Variants in ETS1 observed in about 807,000 individuals in gnomAD.
The protein encoded by ETS1 is protein C-ets-1.
In ETS1, 15 loss-of-function variants were observed where a neutral mutation model predicts 58.6. The ratio of observed to expected loss-of-function variants is 0.26; its 90% CI spans 0.17 to 0.39. The LOEUF (loss-of-function observed/expected upper bound fraction) is 0.39. Among genes scored for constraint, ETS1 ranks in the 10% least tolerant of loss-of-function variants. The pLI, the probability that ETS1 is intolerant of heterozygous loss-of-function variation, is 1.00. For missense variants in ETS1, 417 were observed against 610.5 expected, an observed-to-expected ratio of 0.68 and a Z score of 3.34; for synonymous variants, 214 against 218.2, an observed-to-expected ratio of 0.98 and a Z score of 0.17.
chr11:128,578,114 C>A (rs962040624), intron 1 of ETS1, among the ~76,000 whole-genome samples: 1 of 152,124 alleles, frequency 6.6e-6, no homozygotes, highest in Non-Finnish European at 1.5e-5. Context: ...CTTCATAGAG[C>A]GAGTGACCAC....
intron 1 of ETS1, among the ~76,000 whole-genome samples, chr11:128,584,861 A>G (rs956909202): frequency 1.5e-4 from 22 of 149,382 alleles, no homozygotes; most frequent in Non-Finnish European, 5.9e-5. Context: ...GAGGAAAGGG[A>G]AGGAGGAGGG....
intron 3 of ETS1, among the ~76,000 whole-genome samples, chr11:128,503,451 C>T (rs549590390): frequency 1.7e-4 from 26 of 152,104 alleles, no homozygotes; most frequent in Non-Finnish European, 3.1e-4. Context: ...CTGGAGGGTG[C>T]GCTCATAAAC....
In ETS1 at chr11:128,572,962, T is replaced by C. The variant is rs529696387; in HGVS notation, c.69+100A>G. 5.8e-6 allele frequency: 5 copies of C among 867,728 alleles called. No homozygotes were observed. The East Asian group carries it at 1.3e-4, about 23-fold the overall frequency. 53.8% of individuals were successfully genotyped at this position (867,728 alleles called of 1,614,324 possible). A position where few individuals can be genotyped will look rare whatever the true frequency, so the allele number is the denominator to read the frequency against. On this transcript the variant is annotated intron_variant, in intron 2 of 9. Transcript: ENST00000392668. ...CTGATTCGAACCTTGGAGTTCAGGT[T>C]CCTGGCTTCTCTGTCTACTGGGGGT...
chr11:128,484,149 C>A (rs866269686), intron 7 of ETS1, among the ~76,000 whole-genome samples: 1 of 152,182 alleles, frequency 6.6e-6, no homozygotes. Context: ...TCTTCCCTGA[C>A]AGTGAATATT....
intron 5 of ETS1, among the ~76,000 whole-genome samples, chr11:128,486,654 T>C (rs910730363): frequency 1.3e-5 from 2 of 152,250 alleles, no homozygotes; most frequent in African/African-American, 4.8e-5. Context: ...CCCTCAGGTT[T>C]CAAGTTCAGG....
chr11:128,538,063 T>C (rs1819397944), intron 3 of ETS1, among the ~76,000 whole-genome samples: 1 of 152,200 alleles, frequency 6.6e-6, no homozygotes, highest in African/African-American at 2.4e-5. Flanking sequence ...TTCAGTAGAT[T>C]TGGGATGTTT....
At chr11:128,553,640 T>C (rs1864266658) in intron 3 of ETS1, among the ~76,000 whole-genome samples, 1 of 151,990 alleles carries the variant, frequency 6.6e-6, no homozygotes. Flanking sequence ...CTTTCCCTCA[T>C]TCATACTTTC....
At chr11:128,570,885 C>T (rs527650798) in intron 2 of ETS1, among the ~76,000 whole-genome samples, 3 of 152,258 alleles carry the variant, frequency 2.0e-5, no homozygotes, top group Admixed American at 6.5e-5. Context: ...CTGGACTTGT[C>T]GTGTAGTGGA....
chr11:128,518,487 G>T (rs758707997), intron 3 of ETS1, among the ~76,000 whole-genome samples: 1 of 152,210 alleles, frequency 6.6e-6, no homozygotes, highest in Non-Finnish European at 1.5e-5. Context: ...TTCATCCTAT[G>T]AAGTAGAATG....
intron 3 of ETS1, chr11:128,505,094 G>A (rs560401202): frequency 1.3e-5 from 2 of 152,336 alleles, no homozygotes; most frequent in East Asian, 3.9e-4. Flanking sequence ...TCCAGAAAGA[G>A]TGAAGACTGC....
At chr11:128,477,692 C>T (rs1343305153) in intron 8 of ETS1, among the ~76,000 whole-genome samples, 1 of 152,144 alleles carries the variant, frequency 6.6e-6, no homozygotes, top group Non-Finnish European at 1.5e-5. Flanking sequence ...ATTCAGACCA[C>T]AACAATAGGA....
At chr11:128,547,736 A>C (rs1250405107) in intron 3 of ETS1, among the ~76,000 whole-genome samples, 1 of 152,150 alleles carries the variant, frequency 6.6e-6, no homozygotes, top group African/African-American at 2.4e-5. Flanking sequence ...TTCAAAGGTC[A>C]TGAGGAATCT....
intron 1 of ETS1, among the ~76,000 whole-genome samples, chr11:128,582,086 T>C (rs1864882402): frequency 6.6e-6 from 1 of 152,198 alleles, no homozygotes; most frequent in African/African-American, 2.4e-5. Context: ...CTAGCATTCT[T>C]ATATAAAGAG....
chr11:128,565,215 A>G (rs1211501859), intron 2 of ETS1, among the ~76,000 whole-genome samples: 2 of 152,138 alleles, frequency 1.3e-5, no homozygotes, highest in Non-Finnish European at 2.9e-5. Context: ...AGGACCCTTT[A>G]AAAGGACCTG....
chr11:128,583,063 T>A (rs1565419827), intron 1 of ETS1, among the ~76,000 whole-genome samples: 1 of 152,222 alleles, frequency 6.6e-6, no homozygotes. Context: ...TGCAGTCTGC[T>A]GCAGTAGGTC....
At chr11:128,580,469 T>C (rs899670000) in intron 1 of ETS1, among the ~76,000 whole-genome samples, 24 of 152,206 alleles carry the variant, frequency 1.6e-4, no homozygotes, top group African/African-American at 5.3e-4. Context: ...ATCCATCATA[T>C]CTAGGAAAGC....
intron 2 of ETS1, among the ~76,000 whole-genome samples, chr11:128,557,889 A>G (rs1281542616): frequency 6.6e-6 from 1 of 152,234 alleles, no homozygotes; most frequent in Non-Finnish European, 1.5e-5. Flanking sequence ...CTGAGCATAC[A>G]AGAATTCAGT....
intron 3 of ETS1, among the ~76,000 whole-genome samples, chr11:128,542,452 C>T (rs1864070999): frequency 1.3e-5 from 2 of 152,172 alleles, no homozygotes; most frequent in Admixed American, 1.3e-4. Flanking sequence ...TTCTACTGGA[C>T]TTCCCATCTG....
chr11:128,557,849 C>T (rs1864336521), intron 2 of ETS1, among the ~76,000 whole-genome samples: 1 of 152,178 alleles, frequency 6.6e-6, no homozygotes. Context: ...GAAAGATTCT[C>T]CAACTGGAGA....
Sources: allele counts gnomAD v4.1 joint callset (sites outside exome capture counted in the v4.1 genomes callset), GRCh38; gene constraint gnomAD v4.1.1; transcripts MANE v1.5; gene names NCBI Gene and HGNC (gene_info 2026-07-23, HGNC 2026-07-21).